Variants in UBR3 observed in about 807,000 individuals in gnomAD.
UBR3 encodes the protein E3 ubiquitin-protein ligase UBR3.
Under a neutral mutation model 243.2 loss-of-function variants are expected in UBR3, and 85 were observed. That is an observed-to-expected ratio of 0.35 (90% CI 0.29 to 0.42). UBR3 has a LOEUF of 0.42. UBR3 is among the 10% of genes least tolerant of loss of function. The pLI, the probability that UBR3 is intolerant of heterozygous loss-of-function variation, is 1.00. For missense variants in UBR3, 1,686 were observed against 2,300.8 expected (o/e 0.73, Z 5.47); for synonymous variants, 748 against 799.8 (o/e 0.94, Z 1.09).
chr2:170,055,455 TGCAGA>T lies in UBR3; in HGVS notation c.4661-4_4661del, dbSNP rs1423882496. The T allele has an allele frequency of 6.2e-7, 1 of 1,610,494 alleles. No individual in the cohort carries two copies. Among genetic ancestry groups the T allele is most frequent in the South Asian group, 1.1e-5 (1 of 89,870 alleles). On this transcript the variant is annotated splice_acceptor_variant and splice_polypyrimidine_tract_variant and coding_sequence_variant and intron_variant, in exon 33 of 39. Transcript: ENST00000272793. LOFTEE classifies it high-confidence loss of function. ...AAAGAAATAATGATTTTTTTTCTCT[TGCAGA>T]CCACTTTACCTGCATTGTGAAGGTA...
intron 19 of UBR3, among the ~76,000 whole-genome samples, chr2:169,936,600 C>T (rs1033448171): frequency 3.3e-5 from 5 of 151,906 alleles, no homozygotes; most frequent in Non-Finnish European, 5.9e-5. Context: ...TATACATGTG[C>T]CACATTGGTG....
chr2:169,835,993 G>GTCTT (rs1553487579), intron 1 of UBR3, among the ~76,000 whole-genome samples: 3 of 30,736 alleles, frequency 9.8e-5, no homozygotes, highest in East Asian at 9.4e-4. Flanking sequence ...TGTGTGCACT[G>GTCTT]TCTCTCTCTC....
At chr2:169,911,554 GGTA>G (rs2085254853) in intron 10 of UBR3, among the ~76,000 whole-genome samples, 2 of 151,982 alleles carry the variant, frequency 1.3e-5, no homozygotes, top group South Asian at 4.2e-4. Flanking sequence ...GTTGAGGGGT[GGTA>G]GTAGTGGGAA....
chr2:169,900,088 G>T lies in UBR3; in HGVS notation c.1465+3353G>T, dbSNP rs1278780574. Among the ~76,000 whole-genome samples, 5 of 152,260 alleles carry T rather than the reference G, an allele frequency of 3.3e-5. No homozygotes were observed. The East Asian group carries it at 9.6e-4, about 29-fold the overall frequency. On this transcript the variant is annotated intron_variant, in intron 8 of 38. Transcript: ENST00000272793. ...AATCGCCACACTGTCTTCCACAATG[G>T]TTGAACTAATTTACACTCCCACCAA...
intron 29 of UBR3, chr2:170,014,384 TCTCA>T (rs1161802957): frequency 6.6e-6 from 1 of 151,038 alleles, no homozygotes; most frequent in African/African-American, 2.4e-5. Flanking sequence ...GGAGACAGTA[TCTCA>T]CTATTAGGGT....
At chr2:169,847,126 C>CGT (rs1002294611) in intron 1 of UBR3, among the ~76,000 whole-genome samples, 1 of 15,640 alleles carries the variant, frequency 6.4e-5, no homozygotes, top group African/African-American at 1.2e-4. Context: ...TGTGTGTGTG[C>CGT]GCTGGCAGTT....
chr2:169,862,044 A>C (rs1365588747), intron 1 of UBR3, among the ~76,000 whole-genome samples: 1 of 152,034 alleles, frequency 6.6e-6, no homozygotes, highest in African/African-American at 2.4e-5. Context: ...TTCTGGACCC[A>C]TATTATTTTT....
intron 1 of UBR3, among the ~76,000 whole-genome samples, chr2:169,856,042 G>A (rs1364443189): frequency 6.6e-6 from 1 of 151,758 alleles, no homozygotes; most frequent in East Asian, 2.0e-4. Flanking sequence ...AGACGGGGCG[G>A]CTGCTGGGCG....
intron 1 of UBR3, among the ~76,000 whole-genome samples, chr2:169,854,798 TTTTTTAAGACTTA>T (rs1478158272): frequency 6.6e-6 from 1 of 152,130 alleles, no homozygotes; most frequent in African/African-American, 2.4e-5. Context: ...TTCTGGTTGT[TTTTTTAAGACTTA>T]AAAAAGCAAT....
At chr2:169,835,816 A>T (rs1484776100) in intron 1 of UBR3, among the ~76,000 whole-genome samples, 1 of 152,070 alleles carries the variant, frequency 6.6e-6, no homozygotes, top group Non-Finnish European at 1.5e-5. Context: ...AGAAAAGTAC[A>T]AAAGTAGTAT....
intron 1 of UBR3, among the ~76,000 whole-genome samples, chr2:169,860,201 T>C (rs943014535): frequency 1.3e-5 from 2 of 152,252 alleles, no homozygotes; most frequent in African/African-American, 2.4e-5. Context: ...CGTATGTTTC[T>C]GTTTTTGTTT....
intron 1 of UBR3, among the ~76,000 whole-genome samples, chr2:169,836,065 ATATTTTTTTTTTTT>A (rs2082100735): frequency 1.1e-4 from 3 of 27,936 alleles, no homozygotes; most frequent in Non-Finnish European, 1.3e-4. Flanking sequence ...ATATATATAT[ATATTTTTTTTTTTT>A]TTTTTTTTTT....
intron 25 of UBR3, among the ~76,000 whole-genome samples, chr2:169,989,878 A>C (rs1402379280): frequency 6.6e-6 from 1 of 152,132 alleles, no homozygotes; most frequent in Non-Finnish European, 1.5e-5. Context: ...AGCTTATTCG[A>C]GTTGTCTCCT....
At chr2:170,077,147 A>G (rs2091827257) in intron 36 of UBR3, 2 of 554,630 alleles carry the variant, frequency 3.6e-6, no homozygotes, top group Admixed American at 2.2e-5. Context: ...GCTGTTTGGT[A>G]GTATTCAGAA....
intron 19 of UBR3, among the ~76,000 whole-genome samples, chr2:169,939,730 A>G (rs1057138678): frequency 3.3e-5 from 5 of 151,360 alleles, no homozygotes; most frequent in Admixed American, 3.3e-4. Flanking sequence ...TGCTTGGCTA[A>G]TTTTTGTATT....
chr2:169,925,200 G>T (rs117996266), intron 13 of UBR3, among the ~76,000 whole-genome samples: 3 of 152,172 alleles, frequency 2.0e-5, no homozygotes, highest in African/African-American at 7.2e-5. Flanking sequence ...GATGTAGAAT[G>T]TATTCATTGA....
intron 24 of UBR3, among the ~76,000 whole-genome samples, chr2:169,960,328 T>G (rs2087511777): frequency 6.6e-6 from 1 of 152,008 alleles, no homozygotes; most frequent in Non-Finnish European, 1.5e-5. Context: ...GTGTTTAGAC[T>G]TGGGTTCCAG....
intron 35 of UBR3, 85 bp from the exon 36 acceptor site, chr2:170,073,343 A>G (rs970147835): frequency 8.7e-6 from 13 of 1,487,040 alleles, no homozygotes; most frequent in East Asian, 2.3e-5. Context: ...TATTGTCTCA[A>G]AGTAATTGAT....
At chr2:169,936,742 A>G (rs1255412493) in intron 19 of UBR3, among the ~76,000 whole-genome samples, 9 of 151,916 alleles carry the variant, frequency 5.9e-5, no homozygotes, top group South Asian at 2.1e-4. Flanking sequence ...TCATTGTTCA[A>G]TTCCCACCTA....
Sources: gnomAD v4.1 joint callset for allele counts (sites outside exome capture counted in the v4.1 genomes callset) on GRCh38, gnomAD v4.1.1 for gene constraint, MANE v1.5 for transcripts, NCBI Gene and HGNC (gene_info 2026-07-23, HGNC 2026-07-21) for gene names.